Variants in UBA5 observed in about 807,000 individuals in gnomAD.
The protein encoded by UBA5 is ubiquitin like modifier activating enzyme 5, also known as ubiquitin-like modifier-activating enzyme 5.
Under a neutral mutation model 52.9 loss-of-function variants are expected in UBA5, and 28 were observed. The observed-to-expected ratio is 0.53, with a 90% CI of 0.39 to 0.73. The LOEUF (loss-of-function observed/expected upper bound fraction) is 0.73. UBA5 is among the 30% of genes least tolerant of loss of function. The pLI is 0.00. For missense variants in UBA5, 388 were observed against 492.7 expected (o/e 0.79, Z 2.01); for synonymous variants, 135 against 162.1 (o/e 0.83, Z 1.27).
intron 5 of UBA5, 56 bp downstream of exon 5, chr3:132,670,340 T>C: frequency 1.3e-6 from 1 of 752,730 alleles, no homozygotes; most frequent in Non-Finnish European, 2.1e-6. Flanking sequence ...TATTAGAAAA[T>C]TATTAGAAAA....
chr3:132,663,456 A>G (rs1241534748), intron 1 of UBA5, among the ~76,000 whole-genome samples: 2 of 152,192 alleles, frequency 1.3e-5, no homozygotes, highest in African/African-American at 4.8e-5. Flanking sequence ...CTGTGACTGA[A>G]TGTAAACTAA....
intron 8 of UBA5, among the ~76,000 whole-genome samples, chr3:132,673,357 G>T (rs2107945986): frequency 6.6e-6 from 1 of 151,816 alleles, no homozygotes; most frequent in East Asian, 1.9e-4. Flanking sequence ...TCTTCTTTTT[G>T]TTTTTTTGGA....
At chr3:132,664,316 G>A (rs563007571) in intron 1 of UBA5, among the ~76,000 whole-genome samples, 1 of 152,214 alleles carries the variant, frequency 6.6e-6, no homozygotes, top group East Asian at 1.9e-4. Context: ...TTAAACTATC[G>A]ATTAAGAGTA....
chr3:132,679,066 G>A lies in UBA5; in HGVS notation c.*2540G>A, dbSNP rs549399797. Among the ~76,000 whole-genome samples, 14 of 151,650 alleles carry A rather than the reference G, an allele frequency of 9.2e-5. No homozygotes were observed. In the South Asian group the frequency reaches 2.3e-3, roughly 25 times the overall value. On this transcript the variant is annotated 3_prime_UTR_variant, in exon 12 of 12. Transcript: ENST00000356232. Reference sequence around the variant, plus strand: ...GGGTAGGTCAAGAGGTCAGGAGTTCGAGACCAGCCTGACCAACATGGCAAA... The same window carrying A: ...GGGTAGGTCAAGAGGTCAGGAGTTCAAGACCAGCCTGACCAACATGGCAAA...
Position 132,675,715 on chromosome 3 carries a change from AAAAC to A in UBA5, c.1024+39_1024+42del. ...CTTTTATAAATTGAAATGGCAGTATAAAACAAAACCTTTTATGGTAGCAAATCTA... is the reference window on the plus strand; with the variant it reads ...CTTTTATAAATTGAAATGGCAGTATAAAAACCTTTTATGGTAGCAAATCTA... On this transcript the variant is annotated intron_variant, in intron 10 of 11. Coordinates refer to ENST00000356232, the MANE Select transcript of UBA5 (RefSeq NM_024818.6). The A allele has an allele frequency of 1.9e-6, 3 of 1,564,560 alleles. No homozygotes were observed. The South Asian group carries it at 3.4e-5, about 18-fold the overall frequency.
Position 132,671,068 on chromosome 3 carries a change from C to T in UBA5, c.579+19C>T, listed in dbSNP as rs187933787. 15 of 1,584,610 alleles carry T rather than the reference C, an allele frequency of 9.5e-6. No individual in the cohort carries two copies. The Admixed American group carries it at 2.2e-4, about 23-fold the overall frequency. ...AAATACAGTGAGTATTCCTGCTGTGCAAGATATATTCATGGATTTATCTGT... is the reference window on the plus strand; with the variant it reads ...AAATACAGTGAGTATTCCTGCTGTGTAAGATATATTCATGGATTTATCTGT... On this transcript the variant is annotated intron_variant, in intron 6 of 11. Transcript: ENST00000356232.
At chr3:132,671,186 G>T (rs1342110604) in intron 6 of UBA5, 137 bp downstream of exon 6, 3 of 702,962 alleles carry the variant, frequency 4.3e-6, no homozygotes, top group Non-Finnish European at 4.7e-6. Flanking sequence ...TGTTCTCTTA[G>T]CCTACTCTTA....
Position 132,660,907 on chromosome 3 carries a change from C to T in UBA5, c.161+209C>T, listed in dbSNP as rs1190632072. 6.8e-7 allele frequency: 1 copy of T among 1,464,946 alleles called. No individual in the cohort carries two copies. Among genetic ancestry groups the T allele is most frequent in the Non-Finnish European group, 9.0e-7 (1 of 1,111,572 alleles). The allele number at this position is 1,464,946 out of a possible 1,614,324, so 90.7% of individuals were successfully genotyped here. On this transcript the variant is annotated intron_variant, in intron 1 of 11. Coordinates refer to ENST00000356232, the MANE Select transcript of UBA5 (RefSeq NM_024818.6). This position sits in a 1 kb window ranked among gnomAD's most constrained non-coding sequence, Gnocchi z 4.1. ...TTTTTAAAAACCTCCAGTGAGTCAG[C>T]CATATGGTGCTGCTCCTGTGCCTGC...
At position 132,679,519 on chromosome 3, in the gene UBA5, TTTA is replaced by T. The variant is rs2107957692; in HGVS notation, c.*2998_*3000del. Among the ~76,000 whole-genome samples the T allele has an allele frequency of 6.6e-6, 1 of 152,306 alleles. No individual in the cohort carries two copies. The highest frequency in any genetic ancestry group is 2.4e-5 in the African/African-American group (1 of 41,574). On this transcript the variant is annotated 3_prime_UTR_variant, in exon 12 of 12. Coordinates refer to ENST00000356232, the MANE Select transcript of UBA5 (RefSeq NM_024818.6). The stretch of plus-strand genomic sequence containing the variant: ...AAAATAAATAGTAATATCAAAATAG[TTTA>T]TTATGTTTAAATTTCATTCTTTTGG...
At position 132,660,911 on chromosome 3, in the gene UBA5, A is replaced by C; in HGVS notation, c.161+213A>C. On this transcript the variant is annotated intron_variant, in intron 1 of 11. Transcript: ENST00000356232. The surrounding 1 kb of genome is among the most constrained non-coding windows in gnomAD (Gnocchi z 4.1). ...TAAAAACCTCCAGTGAGTCAGCCAT[A>C]TGGTGCTGCTCCTGTGCCTGCTGAG... 6.8e-7 allele frequency: 1 copy of C among 1,470,344 alleles called. No homozygotes were observed. The highest frequency in any genetic ancestry group is 9.0e-7 in the Non-Finnish European group (1 of 1,113,814). The allele number at this position is 1,470,344 out of a possible 1,614,324, so 91.1% of individuals were successfully genotyped here.
In UBA5 at chr3:132,675,574, A is replaced by G. The variant is rs768599364; in HGVS notation, c.949-31A>G. ...TGCTTTAGAGAACTGAGAATGAGTA[A>G]GAACACTTTGATGCTGTTTGATTTC... On this transcript the variant is annotated intron_variant, in intron 9 of 11. Coordinates refer to ENST00000356232, the MANE Select transcript of UBA5 (RefSeq NM_024818.6). The G allele has an allele frequency of 2.5e-6, 4 of 1,592,002 alleles. No homozygotes were observed. The South Asian group carries it at 4.5e-5, about 18-fold the overall frequency.
chr3:132,677,148 T>G lies in UBA5; in HGVS notation c.*622T>G, dbSNP rs1423036956. 1 of 203,576 alleles carries G rather than the reference T, an allele frequency of 4.9e-6. No individual in the cohort carries two copies. The highest frequency in any genetic ancestry group is 1.0e-5 in the Non-Finnish European group (1 of 96,934). 12.6% of individuals were successfully genotyped at this position (203,576 alleles called of 1,614,324 possible). A position where few individuals can be genotyped will look rare whatever the true frequency, so the allele number is the denominator to read the frequency against. ...ACCTGTGGATCATATATATTCAAAG[T>G]GAGACAAAGGCAAATAAAAAGCAGC... On this transcript the variant is annotated 3_prime_UTR_variant, in exon 12 of 12. Coordinates refer to ENST00000356232, the MANE Select transcript of UBA5 (RefSeq NM_024818.6).
At chr3:132,664,822 T>G (rs1398550131) in intron 1 of UBA5, among the ~76,000 whole-genome samples, 2 of 152,154 alleles carry the variant, frequency 1.3e-5, no homozygotes, top group African/African-American at 4.8e-5. Flanking sequence ...TCATGTCAGA[T>G]TCTAGGAGAT....
chr3:132,655,282 A>G (rs2107908249), intron 1 of UBA5, among the ~76,000 whole-genome samples: 1 of 152,274 alleles, frequency 6.6e-6, no homozygotes, highest in East Asian at 1.9e-4. Context: ...GTCAACTCTC[A>G]ACACAAGAAG....
chr3:132,669,881 G>A (rs1457312930), intron 4 of UBA5, among the ~76,000 whole-genome samples: 2 of 152,188 alleles, frequency 1.3e-5, no homozygotes, highest in East Asian at 3.9e-4. Context: ...TCCTTGAAGT[G>A]TGAGATAAAA....
chr3:132,661,098 CG>C (rs1559986427), intron 1 of UBA5: 2 of 664,950 alleles, frequency 3.0e-6, no homozygotes, highest in Admixed American at 2.5e-5. Flanking sequence ...TAAATGGGGT[CG>C]GGGCGGGGGA....
chr3:132,659,582 G>A (rs770390285), upstream of UBA5: 1 of 1,607,298 alleles, frequency 6.2e-7, no homozygotes, highest in Non-Finnish European at 8.5e-7. Context: ...TTCCGCTGGA[G>A]GCAAAGGCTG....
chr3:132,679,274 AAAG>A lies in UBA5; in HGVS notation c.*2749_*2751del, dbSNP rs1938956610. The stretch of plus-strand genomic sequence containing the variant: ...CAGAGTGAGACTCTGTCTCAAAAAA[AAAG>A]GTATTGATGAATAAAAATTATAACT... On this transcript the variant is annotated 3_prime_UTR_variant, in exon 12 of 12. Coordinates refer to ENST00000356232, the MANE Select transcript of UBA5 (RefSeq NM_024818.6). Among the ~76,000 whole-genome samples, 1 of 152,108 alleles carries A rather than the reference AAAG, an allele frequency of 6.6e-6. No individual in the cohort carries two copies. The highest frequency in any genetic ancestry group is 2.4e-5 in the African/African-American group (1 of 41,432).
In UBA5 at chr3:132,679,201, G is replaced by A. The variant is rs1169135968; in HGVS notation, c.*2675G>A. ...GAGAATCGCTTGAACCTGGGAGGCA[G>A]AGGTTGCAGTGAGCTGAGATAGTGC... On this transcript the variant is annotated 3_prime_UTR_variant, in exon 12 of 12. Coordinates refer to ENST00000356232, the MANE Select transcript of UBA5 (RefSeq NM_024818.6). Among the ~76,000 whole-genome samples the A allele has an allele frequency of 1.3e-5, 2 of 152,022 alleles. No homozygotes were observed. The highest frequency in any genetic ancestry group is 2.9e-5 in the Non-Finnish European group (2 of 68,004).
Sources: allele counts gnomAD v4.1 joint callset (sites outside exome capture counted in the v4.1 genomes callset), GRCh38; gene constraint gnomAD v4.1.1; non-coding constraint Gnocchi (gnomAD v3.1); transcripts MANE v1.5; gene names NCBI Gene and HGNC (gene_info 2026-07-23, HGNC 2026-07-21).